Variants in KAT6A observed in about 807,000 individuals in gnomAD.
KAT6A encodes the protein histone acetyltransferase KAT6A.
Under a neutral mutation model 198.4 loss-of-function variants are expected in KAT6A, and 9 were observed. The ratio of observed to expected loss-of-function variants is 0.05; its 90% CI spans 0.03 to 0.08. KAT6A has a LOEUF of 0.08. Among genes scored for constraint, KAT6A ranks in the 10% least tolerant of loss-of-function variants. The pLI, the probability that KAT6A is intolerant of heterozygous loss-of-function variation, is 1.00. For synonymous variants in KAT6A, 890 were observed against 883.0 expected (o/e 1.01, Z -0.14); for missense variants, 2,077 against 2,509.9 (o/e 0.83, Z 3.69).
chr8:42,020,113 G>A (rs965486355), intron 2 of KAT6A, among the ~76,000 whole-genome samples: 4 of 152,102 alleles, frequency 2.6e-5, no homozygotes, highest in African/African-American at 9.7e-5. Flanking sequence ...AGTGAAGAGT[G>A]ATATGCTGCC....
chr8:41,934,987 C>T, intron 16 of KAT6A, 120 bp from the exon 17 acceptor site: 2 of 805,634 alleles, frequency 2.5e-6, no homozygotes, highest in Non-Finnish European at 3.9e-6. Context: ...TTATAAACTC[C>T]TGATTGTCTT....
At chr8:41,985,654 T>C (rs1338441784) in intron 3 of KAT6A, among the ~76,000 whole-genome samples, 1 of 152,170 alleles carries the variant, frequency 6.6e-6, no homozygotes, top group African/African-American at 2.4e-5. Flanking sequence ...CTCTTCCAGA[T>C]AGAGGCAGAC....
rs1822119954 is a variant in KAT6A at position 41,941,337 on chromosome 8, T to A, written c.2544A>T (p.Lys848Asn). The A allele has an allele frequency of 1.2e-6, 2 of 1,613,370 alleles. No homozygotes were observed. Among genetic ancestry groups the A allele is most frequent in the Non-Finnish European group, 1.7e-6 (2 of 1,180,038 alleles). ...GAAGACTATCATGAGGAAGGACTTGTTTGCTCAAACGTGTAGAACTGACTG... is the reference window on the plus strand; with the variant it reads ...GAAGACTATCATGAGGAAGGACTTGATTGCTCAAACGTGTAGAACTGACTG... ...MAPVSSTRLS[K>N]QVLPHDSLPA... The change falls in exon 15 of 17, where the codon AAA becomes AAT. Residue 848 changes from lysine to asparagine, a missense_variant. Physicochemically the swap from Lys to Asn is moderately conservative, Grantham distance 94. Around this residue, in one of 13 missense-constraint regions of KAT6A, gnomAD observed 301 missense variants for 272.2 expected, o/e 1.11. Transcript: ENST00000265713.
intron 2 of KAT6A, among the ~76,000 whole-genome samples, chr8:42,048,122 CT>C (rs1321261053): frequency 5.3e-5 from 8 of 152,048 alleles, no homozygotes; most frequent in Admixed American, 3.3e-4. Context: ...TCATATGTCA[CT>C]TTTTCATTGT....
intron 7 of KAT6A, among the ~76,000 whole-genome samples, chr8:41,975,974 GA>G (rs1824031037): frequency 6.6e-6 from 1 of 152,158 alleles, no homozygotes; most frequent in South Asian, 2.1e-4. Flanking sequence ...CTCAGATCAG[GA>G]ACTTATCTAC....
rs890071119 is a variant in KAT6A at position 41,933,006 on chromosome 8, A to G, written c.5214T>C (p.Asp1738=). 1.2e-6 allele frequency: 2 copies of G among 1,613,896 alleles called. No homozygotes were observed. The highest frequency in any genetic ancestry group is 1.3e-5 in the African/African-American group (1 of 74,856). The change falls in exon 17 of 17, where the codon GAT becomes GAC. Residue 1738 remains aspartate, a synonymous_variant. Transcript: ENST00000265713. The surrounding 1 kb of genome is among the most constrained non-coding windows in gnomAD (Gnocchi z 6.2). ...NISIYERIPG[D]FGAGSYSQPS... ...GTTGAGAGTAGCTGCCGGCACCAAA[A>G]TCCCCTGGAATCCTCTCATAGATAC...
At chr8:41,972,413 G>C (rs1417976458) in intron 8 of KAT6A, among the ~76,000 whole-genome samples, 2 of 152,106 alleles carry the variant, frequency 1.3e-5, no homozygotes, top group African/African-American at 4.8e-5. Context: ...CTTAATTATA[G>C]GTAGAAAGCA....
At chr8:42,013,972 G>A (rs932274453) in intron 2 of KAT6A, among the ~76,000 whole-genome samples, 1 of 152,194 alleles carries the variant, frequency 6.6e-6, no homozygotes, top group Non-Finnish European at 1.5e-5. Context: ...CCGCGGTACC[G>A]TGAAAGAAGC....
In KAT6A at chr8:41,940,901, G is replaced by A. The variant is rs1564010191; in HGVS notation, c.2980C>T (p.Pro994Ser). ...GGCGAGCTTGACCGAGGGCTTTCCG[G>A]CTCCTCCTCCTCCTCGCTGCTCTCA... ...FSESSEEEEE[P>S]ESPRSSSPPI... Residue 994 changes from proline to serine, a missense_variant, in exon 15 of 17, where the codon CCG (proline) becomes TCG (serine). Transcript: ENST00000265713. 2 of 1,611,852 alleles carry A rather than the reference G, an allele frequency of 1.2e-6. No individual in the cohort carries two copies. Among genetic ancestry groups the A allele is most frequent in the Admixed American group, 1.7e-5 (1 of 59,908 alleles).
chr8:41,976,711 G>A (rs1824071356), intron 7 of KAT6A, among the ~76,000 whole-genome samples: 1 of 152,082 alleles, frequency 6.6e-6, no homozygotes, highest in African/African-American at 2.4e-5. Context: ...GAAATGTAAA[G>A]TAATCCTCAA....
At chr8:42,019,806 G>A (rs1564069453) in intron 2 of KAT6A, among the ~76,000 whole-genome samples, 1 of 152,116 alleles carries the variant, frequency 6.6e-6, no homozygotes, top group African/African-American at 2.4e-5. Context: ...TATGTATCAT[G>A]GTTTCTTTCC....
Position 42,002,340 on chromosome 8 carries a change from T to TAAAAC in KAT6A, c.601-14782_601-14778dup, listed in dbSNP as rs561000637. Among the ~76,000 whole-genome samples, 76 of 152,228 alleles carry TAAAAC rather than the reference T, an allele frequency of 5.0e-4. No individual in the cohort carries two copies. The South Asian group carries it at 0.014, about 27-fold the overall frequency. On this transcript the variant is annotated intron_variant, in intron 2 of 16. Transcript: ENST00000265713. ...TTTCAGCTTTTTCTTTACATAGATT[T>TAAAAC]AAAACAAAACAAAACAAAACAATCA...
rs1822089938 is a variant in KAT6A, at chr8:41,940,934, C to A, written c.2947G>T (p.Gly983Cys). 3.7e-6 allele frequency: 6 copies of A among 1,614,170 alleles called. No homozygotes were observed. The highest frequency in any genetic ancestry group is 5.1e-6 in the Non-Finnish European group (6 of 1,180,028). ...TCCTCCTCGCTGCTCTCACTGAAGC[C>A]CCTGAGGACAGCCCTGTCACCCTCA... ...YSEGDRAVLR[G>C]FSESSEEEEE... Residue 983 changes from glycine (G) to cysteine (C), a missense_variant, in exon 15 of 17, where the codon GGC becomes TGC. By Grantham distance (159) the Gly-to-Cys change is radical. Coordinates refer to ENST00000265713, the MANE Select transcript of KAT6A (RefSeq NM_006766.5).
chr8:42,027,004 T>G (rs1386498539), intron 2 of KAT6A, among the ~76,000 whole-genome samples: 1 of 152,250 alleles, frequency 6.6e-6, no homozygotes, highest in East Asian at 1.9e-4. Flanking sequence ...AAATGCTTTT[T>G]CTGCATCTAT....
At chr8:42,032,036 T>A (rs938696548) in intron 2 of KAT6A, among the ~76,000 whole-genome samples, 1 of 151,230 alleles carries the variant, frequency 6.6e-6, no homozygotes, top group Non-Finnish European at 1.5e-5. Context: ...TTCACGCCGT[T>A]CTCCTGCCTC....
chr8:41,964,174 C>A (rs892123524), intron 8 of KAT6A, among the ~76,000 whole-genome samples: 3 of 152,132 alleles, frequency 2.0e-5, no homozygotes, highest in Admixed American at 6.5e-5. Context: ...AATATTGACT[C>A]TGAAACTTAA....
intron 2 of KAT6A, among the ~76,000 whole-genome samples, chr8:42,018,871 A>G (rs1315664772): frequency 2.0e-5 from 3 of 152,218 alleles, no homozygotes; most frequent in Non-Finnish European, 4.4e-5. Context: ...CAGTGAGCCA[A>G]GATCGCACCA....
intron 6 of KAT6A, among the ~76,000 whole-genome samples, chr8:41,977,823 A>C (rs1350880649): frequency 6.6e-6 from 1 of 152,202 alleles, no homozygotes; most frequent in Non-Finnish European, 1.5e-5. Flanking sequence ...TCAAAGCTTG[A>C]TTTAAGATTT....
chr8:41,964,683 G>A (rs1174703227), intron 8 of KAT6A, among the ~76,000 whole-genome samples: 2 of 149,876 alleles, frequency 1.3e-5, no homozygotes, highest in Non-Finnish European at 3.0e-5. Context: ...CAAGCATTTT[G>A]GATAAGGGAT....
Sources: allele counts gnomAD v4.1 joint callset (sites outside exome capture counted in the v4.1 genomes callset), GRCh38; gene constraint gnomAD v4.1.1; regional missense constraint gnomAD v4.1.1; non-coding constraint Gnocchi (gnomAD v3.1); transcripts MANE v1.5; gene names NCBI Gene and HGNC (gene_info 2026-07-23, HGNC 2026-07-21).